Variants in CENPF observed in about 807,000 individuals in gnomAD.
CENPF encodes centromere protein F, also known as AH antigen.
A neutral mutation model predicts 307.3 loss-of-function variants in CENPF; 214 were observed. That is an observed-to-expected ratio of 0.70 (90% confidence interval 0.62 to 0.78). The LOEUF is 0.78. Among genes scored for constraint, CENPF ranks in the 30% least tolerant of loss-of-function variants. CENPF has a pLI of 0.00. For missense variants in CENPF, 3,401 were observed against 3,483.9 expected (o/e 0.98, Z 0.60); for synonymous variants, 1,259 against 1,270.6 (o/e 0.99, Z 0.19).
Position 214,646,428 on chromosome 1 carries a change from A to G in CENPF, c.6858A>G (p.Glu2286=). 6.2e-7 allele frequency: 1 copy of G among 1,614,138 alleles called. No individual in the cohort carries two copies. The highest frequency in any genetic ancestry group is 8.5e-7 in the Non-Finnish European group (1 of 1,180,016). ...CGDQEIMKAT[E]QSLDPPIEEE... ...ACCAAGAAATTATGAAGGCCACAGA[A>G]CAGAGTCTAGACCCACCAATAGAGG... The change falls in exon 13 of 20, where the codon GAA becomes GAG. Residue 2286 remains glutamate (E), a synonymous_variant. Transcript: ENST00000366955.
At chr1:214,623,080 G>A (rs552496644) in intron 7 of CENPF, among the ~76,000 whole-genome samples, 2 of 152,100 alleles carry the variant, frequency 1.3e-5, no homozygotes, top group South Asian at 2.1e-4. Flanking sequence ...GTGTGGTGGT[G>A]CACACCTGTA....
Position 214,645,510 on chromosome 1 carries a change from G to T in CENPF, c.5940G>T (p.Leu1980Phe), listed in dbSNP as rs752372802. 2 of 1,614,088 alleles carry T rather than the reference G, an allele frequency of 1.2e-6. No individual in the cohort carries two copies. Among genetic ancestry groups the T allele is most frequent in the Admixed American group, 3.3e-5 (2 of 59,996 alleles). ...MSKKTTALDQ[L>F]SEKMKEKTQE... is the part of the protein sequence containing the mutation. ...AAAAAACCACGGCACTGGATCAGTTGTCTGAAAAAATGAAGGAGAAAACAC... is the reference window on the plus strand; with the variant it reads ...AAAAAACCACGGCACTGGATCAGTTTTCTGAAAAAATGAAGGAGAAAACAC... Residue 1980 changes from leucine (L) to phenylalanine (F), a missense_variant, in exon 13 of 20, where the codon TTG becomes TTT. Coordinates refer to ENST00000366955, the MANE Select transcript of CENPF (RefSeq NM_016343.4).
At chr1:214,620,171 T>C (rs1657466774) in intron 5 of CENPF, among the ~76,000 whole-genome samples, 1 of 152,234 alleles carries the variant, frequency 6.6e-6, no homozygotes, top group African/African-American at 2.4e-5. Flanking sequence ...CAAATGTATA[T>C]TATATACTAT....
intron 1 of CENPF, among the ~76,000 whole-genome samples, chr1:214,609,490 A>G (rs1657143035): frequency 1.3e-5 from 2 of 152,180 alleles, no homozygotes; most frequent in African/African-American, 4.8e-5. Flanking sequence ...CCATGTGAAG[A>G]GGGAAAGAGG....
Position 214,620,940 on chromosome 1 carries a change from A to G in CENPF, c.859A>G (p.Asn287Asp). Residue 287 changes from asparagine (N) to aspartate (D), a missense_variant, in exon 6 of 20, where the codon AAT (asparagine) becomes GAT (aspartate). Coordinates refer to ENST00000366955, the MANE Select transcript of CENPF (RefSeq NM_016343.4). The part of the protein sequence containing the change: ...PHLLDQLKAQ[N>D]QELRNKINEL... ...TCTTTTGGATCAATTAAAAGCGCAG[A>G]ATCAAGGTAACATTGAGCTAAGTTA... 6.2e-7 allele frequency: 1 copy of G among 1,603,876 alleles called. No individual in the cohort carries two copies. Among genetic ancestry groups the G allele is most frequent in the South Asian group, 1.1e-5 (1 of 89,098 alleles).
intron 1 of CENPF, among the ~76,000 whole-genome samples, chr1:214,612,269 A>G (rs1355357046): frequency 6.6e-6 from 1 of 152,220 alleles, no homozygotes; most frequent in Non-Finnish European, 1.5e-5. Flanking sequence ...GTGATGAATC[A>G]TATTTATTGA....
intron 1 of CENPF, chr1:214,605,479 G>T: frequency 3.4e-4 from 164 of 476,536 alleles, no homozygotes; most frequent in Middle Eastern, 1.2e-3. Context: ...TTTAATTTCT[G>T]TTTTCACGTA....
At position 214,641,903 on chromosome 1, in the gene CENPF, A is replaced by G. The variant is rs1269915316; in HGVS notation, c.3565A>G (p.Asn1189Asp). 6.3e-7 allele frequency: 1 copy of G among 1,591,828 alleles called. No individual in the cohort carries two copies. Among genetic ancestry groups the G allele is most frequent in the African/African-American group, 1.4e-5 (1 of 73,348 alleles). The change falls in exon 12 of 20, where the codon AAT becomes GAT. Residue 1189 changes from asparagine to aspartate, a missense_variant. Coordinates refer to ENST00000366955, the MANE Select transcript of CENPF (RefSeq NM_016343.4). ...AAGAGAGAGTGAGAGAAATCAATGTAATTTTAAACCTCAGATGGATCTTGA... is the reference window on the plus strand; with the variant it reads ...AAGAGAGAGTGAGAGAAATCAATGTGATTTTAAACCTCAGATGGATCTTGA... Reference protein sequence around the residue: ...KERESERNQCNFKPQMDLEVK... With the variant: ...KERESERNQCDFKPQMDLEVK...
chr1:214,648,242 A>C (rs924230212), intron 13 of CENPF, among the ~76,000 whole-genome samples: 2 of 152,162 alleles, frequency 1.3e-5, no homozygotes, highest in Non-Finnish European at 2.9e-5. Context: ...TCAAGGGACA[A>C]ATGCAAACAA....
At position 214,640,948 on chromosome 1, in the gene CENPF, A is replaced by G; in HGVS notation, c.2610A>G (p.Ala870=). Residue 870 remains alanine, a synonymous_variant, in exon 12 of 20, where the codon GCA becomes GCG. Coordinates refer to ENST00000366955, the MANE Select transcript of CENPF (RefSeq NM_016343.4). ...AAATAGAAGAAAATCTCATGAAAGC[A>G]GAACAGATGCATCAAAGTTTTGTGG... ...KGEIEENLMK[A]EQMHQSFVAE... 6.2e-7 allele frequency: 1 copy of G among 1,607,168 alleles called. No homozygotes were observed.
chr1:214,621,538 C>T (rs1657506160), intron 6 of CENPF, among the ~76,000 whole-genome samples: 2 of 152,120 alleles, frequency 1.3e-5, no homozygotes, highest in Non-Finnish European at 1.5e-5. Flanking sequence ...CTAGCCAATG[C>T]CATTGGAACC....
intron 16 of CENPF, 53 bp downstream of exon 16, chr1:214,653,042 G>A (rs2102414439): frequency 1.3e-6 from 2 of 1,496,166 alleles, no homozygotes; most frequent in East Asian, 2.3e-5. Context: ...ACAGGTGGTA[G>A]TGATTTTAAT....
chr1:214,608,484 G>C, intron 1 of CENPF: 1 of 1,612,800 alleles, frequency 6.2e-7, no homozygotes, highest in East Asian at 2.2e-5. Flanking sequence ...CCACGGCATT[G>C]CTGTGCGAGA....
At position 214,642,412 on chromosome 1, in the gene CENPF, T is replaced by C. The variant is rs1036808682; in HGVS notation, c.4074T>C (p.Gly1358=). 6.2e-6 allele frequency: 10 copies of C among 1,601,030 alleles called. No homozygotes were observed. The highest frequency in any genetic ancestry group is 8.5e-6 in the Non-Finnish European group (10 of 1,173,966). The change falls in exon 12 of 20, where the codon GGT becomes GGC. Residue 1358 remains glycine (G), a synonymous_variant. Coordinates refer to ENST00000366955, the MANE Select transcript of CENPF (RefSeq NM_016343.4). ...ATGATGACAGTGGTCTTCTCCATGG[T>C]GAGTTAGTGGAAGACATACCAGGAG... ...ILNDDSGLLH[G]ELVEDIPGGE...
rs879682576 is a variant in CENPF, at chr1:214,640,405, G to A, written c.2067G>A (p.Lys689=). The part of the protein sequence containing the change: ...IRNLHNVLDS[K]SVEVETQKLA... ...ACCTTCACAACGTGTTAGACAGTAA[G>A]TCAGTGGAGGTAGAGACCCAGAAAC... The change falls in exon 12 of 20, where the codon AAG becomes AAA. Residue 689 remains lysine, a synonymous_variant. Transcript: ENST00000366955. 2.5e-6 allele frequency: 4 copies of A among 1,613,902 alleles called. No individual in the cohort carries two copies. In the African/African-American group the frequency reaches 4.0e-5, roughly 16 times the overall value.
chr1:214,646,043 A>G lies in CENPF; in HGVS notation c.6473A>G (p.Asn2158Ser), dbSNP rs376037863. 2.0e-4 allele frequency: 320 copies of G among 1,614,056 alleles called. 8 individuals carry two copies. The South Asian group carries it at 3.3e-3, about 17-fold the overall frequency. ...ENDSLKDKVE[N>S]LERELQMSEE... ...GATTCACTTAAGGATAAAGTTGAGA[A>G]CCTTGAAAGGGAATTGCAGATGTCA... Residue 2158 changes from asparagine to serine, a missense_variant, in exon 13 of 20, where the codon AAC becomes AGC. Coordinates refer to ENST00000366955, the MANE Select transcript of CENPF (RefSeq NM_016343.4).
chr1:214,643,030 G>A lies in CENPF; in HGVS notation c.4692G>A (p.Glu1564=). The part of the protein sequence containing the change: ...SLCEVYRQSL[E]KLEEKMESQG... ...GTGAGGTGTACCGGCAGTCCCTCGA[G>A]AAGCTAGAAGAGAAAATGGAAAGTC... Residue 1564 remains glutamate (E), a synonymous_variant, in exon 12 of 20, where the codon GAG becomes GAA. Coordinates refer to ENST00000366955, the MANE Select transcript of CENPF (RefSeq NM_016343.4). 6.2e-7 allele frequency: 1 copy of A among 1,609,994 alleles called. No individual in the cohort carries two copies. Among genetic ancestry groups the A allele is most frequent in the Non-Finnish European group, 8.5e-7 (1 of 1,178,898 alleles).
intron 8 of CENPF, among the ~76,000 whole-genome samples, chr1:214,629,616 A>G (rs1657749835): frequency 6.6e-6 from 1 of 152,062 alleles, no homozygotes; most frequent in South Asian, 2.1e-4. Flanking sequence ...CAATGGCACA[A>G]TCTTGGCTCC....
At position 214,613,794 on chromosome 1, in the gene CENPF, A is replaced by G. The variant is rs138690504; in HGVS notation, c.40A>G (p.Thr14Ala). 150 of 1,613,202 alleles carry G rather than the reference A, an allele frequency of 9.3e-5. No individual in the cohort carries two copies. The highest frequency in any genetic ancestry group is 1.1e-4 in the Non-Finnish European group (133 of 1,179,730). The change falls in exon 2 of 20, where the codon ACA becomes GCA. Residue 14 changes from threonine to alanine, a missense_variant. Transcript: ENST00000366955. ...GGAAGAATGGAAAGAAGGGCTGCCT[A>G]CAAGAGCTCTTCAGAAAATTCAAGA... The part of the protein sequence containing the change: ...ALEEWKEGLP[T>A]RALQKIQELE...
Sources: gnomAD v4.1 joint callset for allele counts (sites outside exome capture counted in the v4.1 genomes callset) on GRCh38, gnomAD v4.1.1 for gene constraint, MANE v1.5 for transcripts, NCBI Gene and HGNC (gene_info 2026-07-23, HGNC 2026-07-21) for gene names.